Variants in MGAM observed in about 807,000 individuals in gnomAD.
The protein encoded by MGAM is maltase-glucoamylase, also known as alpha-1,4-glucosidase.
Under a neutral mutation model 358.8 loss-of-function variants are expected in MGAM, and 253 were observed. The observed-to-expected ratio is 0.71, with a 90% CI of 0.64 to 0.78. MGAM has a LOEUF of 0.78. Among genes scored for constraint, MGAM ranks in the 30% least tolerant of loss-of-function variants. MGAM has a pLI of 0.00. For missense variants in MGAM, 3,080 were observed against 3,432.6 expected (o/e 0.90, Z 2.57); for synonymous variants, 1,105 against 1,227.1 (o/e 0.90, Z 2.08).
Position 142,019,250 on chromosome 7 carries a change from G to A in MGAM, c.379G>A (p.Val127Ile), listed in dbSNP as rs782517449. The A allele has an allele frequency of 1.6e-5, 26 of 1,613,564 alleles. No individual in the cohort carries two copies. Among genetic ancestry groups the A allele is most frequent in the Non-Finnish European group, 2.2e-5 (26 of 1,179,728 alleles). Reference protein sequence around the residue: ...CCWNPQGAVSVPWCYYSKNHS... With the variant: ...CCWNPQGAVSIPWCYYSKNHS... ...CTGGAATCCCCAGGGAGCTGTAAGT[G>A]TTCCCTGGTGCTACTATTCCAAGAA... Residue 127 changes from valine to isoleucine, a missense_variant, in exon 4 of 71, where the codon GTT becomes ATT. Physicochemically the swap from Val to Ile is conservative, Grantham distance 29. This residue lies in a region of MGAM where 1,816 missense variants were observed against 1,840.5 expected (regional missense o/e 0.99). Transcript: ENST00000475668.
intron 1 of MGAM, among the ~76,000 whole-genome samples, chr7:142,002,977 C>A (rs79346442): frequency 6.6e-6 from 1 of 150,542 alleles, no homozygotes. Flanking sequence ...ATCCCATTTA[C>A]AATAAAATAA....
At chr7:142,100,954 G>A in intron 68 of MGAM, 64 bp downstream of exon 68, 1 of 1,425,032 alleles carries the variant, frequency 7.0e-7, no homozygotes, top group Non-Finnish European at 9.6e-7. Flanking sequence ...TTATCTTACA[G>A]GCCTGCTTTC....
Position 142,095,227 on chromosome 7 carries a change from G to A in MGAM, c.7459-338G>A, listed in dbSNP as rs184804974. Among the ~76,000 whole-genome samples the A allele has an allele frequency of 4.3e-3, 653 of 152,258 alleles. 18 individuals carry two copies. Among genetic ancestry groups the A allele is most frequent in the Admixed American group, 0.036 (553 of 15,298 alleles). On this transcript the variant is annotated intron_variant, in intron 63 of 70. Coordinates refer to ENST00000475668, the MANE Select transcript of MGAM (RefSeq NM_001365693.1). ...CCCCGAAAGTGCTGGGATTACAGGC[G>A]TGAGCCACTGCACCCTTATAAATTG...
rs553153321 is a variant in MGAM, at chr7:142,074,374, C to T, written c.5275+201C>T. On this transcript the variant is annotated intron_variant, in intron 45 of 70. Coordinates refer to ENST00000475668, the MANE Select transcript of MGAM (RefSeq NM_001365693.1). ...ACGAAAGAAAAATGCATTTGTATCT[C>T]TGACAGTTCTCCCATTCGCCAGTGA... Among the ~76,000 whole-genome samples the T allele has an allele frequency of 1.1e-4, 16 of 145,530 alleles. 1 individual carries two copies. Among genetic ancestry groups the T allele is most frequent in the African/African-American group, 3.9e-4 (16 of 40,918 alleles).
At position 142,021,677 on chromosome 7, in the gene MGAM, T is replaced by C. The variant is rs1554458903; in HGVS notation, c.650T>C (p.Val217Ala). The C allele has an allele frequency of 1.2e-6, 2 of 1,613,954 alleles. No homozygotes were observed. The highest frequency in any genetic ancestry group is 1.7e-6 in the Non-Finnish European group (2 of 1,179,842). Reference protein sequence around the residue: ...GNAAASLTYQVEISRQPFSIK... With the variant: ...GNAAASLTYQAEISRQPFSIK... ...GCTGCTGCTTCTTTGACCTACCAAGTTGAAATCTCCAGACAGCCATTTAGC... is the reference window on the plus strand; with the variant it reads ...GCTGCTGCTTCTTTGACCTACCAAGCTGAAATCTCCAGACAGCCATTTAGC... Residue 217 changes from valine to alanine, a missense_variant, in exon 6 of 71, where the codon GTT (valine) becomes GCT (alanine). Transcript: ENST00000475668.
intron 26 of MGAM, among the ~76,000 whole-genome samples, chr7:142,053,539 C>T (rs1010255937): frequency 6.6e-5 from 10 of 152,100 alleles, no homozygotes; most frequent in African/African-American, 2.4e-4. Context: ...AAATGGCCAT[C>T]AATATGCAGT....
chr7:142,103,562 T>A (rs1816612109), intron 70 of MGAM, 123 bp downstream of exon 70: 2 of 981,184 alleles, frequency 2.0e-6, no homozygotes, highest in East Asian at 5.7e-5. Context: ...TCCCTGAGTT[T>A]TCCATGTGTT....
intron 57 of MGAM, among the ~76,000 whole-genome samples, chr7:142,087,585 A>G (rs1403249062): frequency 6.8e-6 from 1 of 146,268 alleles, no homozygotes; most frequent in Non-Finnish European, 1.5e-5. Flanking sequence ...TTCTTCAATA[A>G]TGCCTATTCT....
chr7:142,060,220 T>G, intron 33 of MGAM, 91 bp from the exon 34 acceptor site: 5 of 1,535,176 alleles, frequency 3.3e-6, no homozygotes, highest in Non-Finnish European at 4.5e-6. Flanking sequence ...TTATTGCTCC[T>G]AGGAGCACGG....
At chr7:142,046,129 ATATT>A (rs967875490) in intron 21 of MGAM, among the ~76,000 whole-genome samples, 1 of 144,414 alleles carries the variant, frequency 6.9e-6, no homozygotes, top group Non-Finnish European at 1.5e-5. Flanking sequence ...TATTTATTAT[ATATT>A]TATATATTAT....
chr7:141,993,782 A>G (rs782304473), upstream of MGAM, among the ~76,000 whole-genome samples: 1 of 152,228 alleles, frequency 6.6e-6, no homozygotes, highest in Non-Finnish European at 1.5e-5. Flanking sequence ...TCATATATTT[A>G]AAACAATCTC....
In MGAM at chr7:142,082,912, G is replaced by A. The variant is rs1173390570; in HGVS notation, c.6268+341G>A. Among the ~76,000 whole-genome samples, 6 of 145,872 alleles carry A rather than the reference G, an allele frequency of 4.1e-5. 2 individuals carry two copies. The Admixed American group carries it at 4.1e-4, about 10-fold the overall frequency. On this transcript the variant is annotated intron_variant, in intron 52 of 70. Coordinates refer to ENST00000475668, the MANE Select transcript of MGAM (RefSeq NM_001365693.1). Reference sequence around the variant, plus strand: ...AGAAGTTAGTCTGGGGATTGTGAGGGTGTATGGTATGTTGAAAAGTTACCT... The same window carrying A: ...AGAAGTTAGTCTGGGGATTGTGAGGATGTATGGTATGTTGAAAAGTTACCT...
intron 40 of MGAM, 115 bp downstream of exon 40, chr7:142,065,946 T>G (rs74525129): frequency 1.9e-5 from 16 of 839,844 alleles, no homozygotes; most frequent in East Asian, 2.9e-5. Context: ...AAAAGGTGTT[T>G]TTTTTTGTTT....
chr7:142,052,246 G>A, intron 24 of MGAM, 48 bp from the exon 25 acceptor site: 2 of 1,501,516 alleles, frequency 1.3e-6, no homozygotes, highest in East Asian at 2.4e-5. Flanking sequence ...GTCTTGCAAA[G>A]CCTGTCTCCT....
intron 45 of MGAM, among the ~76,000 whole-genome samples, 166 bp downstream of exon 45, chr7:142,074,339 C>A (rs553849797): frequency 6.8e-6 from 1 of 146,010 alleles, no homozygotes; most frequent in East Asian, 2.0e-4. Context: ...TAGTGGTGGA[C>A]GAACTACTGA....
At chr7:142,098,910 A>G (rs1036728043) in intron 66 of MGAM, among the ~76,000 whole-genome samples, 2 of 152,264 alleles carry the variant, frequency 1.3e-5, no homozygotes, top group South Asian at 2.1e-4. Context: ...ACCTTAATTA[A>G]TCTTCCCAAG....
intron 2 of MGAM, among the ~76,000 whole-genome samples, chr7:141,986,533 C>A (rs1403568171): frequency 6.6e-6 from 1 of 152,102 alleles, no homozygotes; most frequent in Non-Finnish European, 1.5e-5. Context: ...CCGTACATGG[C>A]TGTAAGACAT....
chr7:142,018,604 T>C lies in MGAM; in HGVS notation c.328-595T>C, dbSNP rs73153950. ...AAACTATCTTCATTTTGGCTTCTAC[T>C]TGATTCAGTCATTAATTATGTTAGA... On this transcript the variant is annotated intron_variant, in intron 3 of 70. Transcript: ENST00000475668. Among the ~76,000 whole-genome samples the C allele has an allele frequency of 9.9e-3, 1,515 of 152,324 alleles. 12 individuals are homozygous for C. The highest frequency in any genetic ancestry group is 0.016 in the Non-Finnish European group (1,120 of 68,030).
At chr7:142,047,908 A>G (rs1231313137) in intron 22 of MGAM, 35 bp downstream of exon 22, 7 of 1,487,498 alleles carry the variant, frequency 4.7e-6, no homozygotes, top group African/African-American at 2.8e-5. Flanking sequence ...CTGTTTCCCA[A>G]CCTGCACCTG....
Sources: allele counts gnomAD v4.1 joint callset (sites outside exome capture counted in the v4.1 genomes callset), GRCh38; gene constraint gnomAD v4.1.1; regional missense constraint gnomAD v4.1.1; transcripts MANE v1.5; gene names NCBI Gene and HGNC (gene_info 2026-07-23, HGNC 2026-07-21).